The following OR8B3 variants were observed in gnomAD, a reference collection of about 807,000 sequenced individuals.
The protein encoded by OR8B3 is olfactory receptor family 8 subfamily B member 3.
For missense variants in OR8B3, 278 were observed against 377.6 expected (o/e 0.74, Z 2.19); for synonymous variants, 102 against 135.4 (o/e 0.75, Z 1.71).
At chr11:124,401,707 G>A (rs756236458), upstream of OR8B3, among the ~76,000 whole-genome samples, 34 of 152,230 alleles carry the variant, frequency 2.2e-4, no homozygotes, top group Non-Finnish European at 4.1e-4. Context: ...GGCTCCATCA[G>A]CTGCTGTAAG....
At chr11:124,403,487 G>T (rs1452557971), upstream of OR8B3, among the ~76,000 whole-genome samples, 1 of 151,938 alleles carries the variant, frequency 6.6e-6, no homozygotes, top group Non-Finnish European at 1.5e-5. Context: ...GTCGCGGCCG[G>T]GCAGAGGCGC....
At chr11:124,407,627 GT>G in the OR8B3 span, among the ~76,000 whole-genome samples, 6 of 151,974 alleles carry the variant, frequency 3.9e-5, no homozygotes, top group African/African-American at 1.2e-4. Flanking sequence ...AACTGTAATA[GT>G]TTTCTTCCTC....
At chr11:124,406,590 T>C in the OR8B3 span, among the ~76,000 whole-genome samples, 1 of 152,136 alleles carries the variant, frequency 6.6e-6, no homozygotes, top group Non-Finnish European at 1.5e-5. Context: ...GGTTACTAAA[T>C]TTAAGCATCT....
Position 124,397,699 on chromosome 11 carries a change from C to CTT in OR8B3, c.-17-333_-17-332dup, listed in dbSNP as rs753969066. Among the ~76,000 whole-genome samples the CTT allele has an allele frequency of 7.2e-4, 102 of 141,940 alleles. 3 individuals are homozygous for CTT. Among genetic ancestry groups the CTT allele is most frequent in the Non-Finnish European group, 9.6e-4 (62 of 64,558 alleles). 93.1% of individuals were successfully genotyped at this position (141,940 alleles called of 152,430 possible). A position where few individuals can be genotyped will look rare whatever the true frequency, so the allele number is the denominator to read the frequency against. On this transcript the variant is annotated intron_variant, in intron 1 of 1. Transcript: ENST00000641139. ...CATCTGGCCCTTCACTTCCTAGTTT[C>CTT]TTTTTTTTTTTTTTAAGATGGAGTT...
upstream of OR8B3, among the ~76,000 whole-genome samples, chr11:124,402,013 C>T (rs776076954): frequency 2.6e-5 from 4 of 152,210 alleles, no homozygotes; most frequent in Non-Finnish European, 5.9e-5. Flanking sequence ...ACAGTGAGTA[C>T]CTGACTTGGC....
chr11:124,403,920 G>A (rs1419257493), upstream of OR8B3, among the ~76,000 whole-genome samples: 7 of 152,272 alleles, frequency 4.6e-5, no homozygotes, highest in Non-Finnish European at 2.9e-5. Flanking sequence ...AGACCAGCCC[G>A]GCCAACACAG....
At chr11:124,407,433 C>T in the OR8B3 span, among the ~76,000 whole-genome samples, 22 of 152,164 alleles carry the variant, frequency 1.4e-4, no homozygotes, top group Middle Eastern at 3.4e-3. Flanking sequence ...CTCATGTCCC[C>T]TAATATTAAA....
chr11:124,399,335 A>T (rs191183950), upstream of OR8B3, among the ~76,000 whole-genome samples: 19 of 152,308 alleles, frequency 1.2e-4, no homozygotes, highest in Admixed American at 5.9e-4. Flanking sequence ...ATCCATTTTT[A>T]CTTTTGCATA....
the OR8B3 span, among the ~76,000 whole-genome samples, chr11:124,405,777 G>T: frequency 1.2e-4 from 19 of 152,224 alleles, no homozygotes; most frequent in African/African-American, 4.6e-4. Context: ...CCCAGAGAAT[G>T]ATTCTTTCCA....
At position 124,396,510 on chromosome 11, in the gene OR8B3, A is replaced by C. The variant is rs139434329; in HGVS notation, c.842T>G (p.Val281Gly). Residue 281 changes from valine to glycine, a missense_variant, in exon 2 of 2, where the codon GTG becomes GGG. Transcript: ENST00000641139. ...GTAGATGAGAGGATTGAGCATGGGC[A>C]CCACATTAGTGTAGAAAACAGAAGA... The part of the protein sequence containing the change: ...KVSSVFYTNV[V>G]PMLNPLIYSL... 34 of 1,614,032 alleles carry C rather than the reference A, an allele frequency of 2.1e-5. No homozygotes were observed. In the African/African-American group the frequency reaches 3.6e-4, roughly 17 times the overall value.
chr11:124,398,494 G>A (rs1860931097), intron 1 of OR8B3, among the ~76,000 whole-genome samples, 196 bp downstream of exon 1: 1 of 152,072 alleles, frequency 6.6e-6, no homozygotes, highest in Non-Finnish European at 1.5e-5. Flanking sequence ...CCTCTGTTCT[G>A]GATGTGTCAC....
chr11:124,396,429 T>C lies in OR8B3; in HGVS notation c.923A>G (p.Gln308Arg). 1.2e-6 allele frequency: 2 copies of C among 1,600,722 alleles called. No individual in the cohort carries two copies. The highest frequency in any genetic ancestry group is 1.7e-6 in the Non-Finnish European group (2 of 1,176,188). ...TTCTAATTAGAATATATTTCTTCTC[T>C]GAATTTTAATCAGAGCTTTCCTCAG... ...VALRKALIKI[Q>R]RRNIF Residue 308 changes from glutamine to arginine, a missense_variant, in exon 2 of 2, where the codon CAG becomes CGG. Gln to Arg is a conservative substitution (Grantham distance 43). Transcript: ENST00000641139.
At chr11:124,408,650 A>G in the OR8B3 span, among the ~76,000 whole-genome samples, 2 of 152,172 alleles carry the variant, frequency 1.3e-5, no homozygotes, top group Non-Finnish European at 2.9e-5. Context: ...ATCCAGACAA[A>G]TCTGAAGCAA....
At chr11:124,404,752 A>T in the OR8B3 span, 18 of 152,346 alleles carry the variant, frequency 1.2e-4, no homozygotes, top group Non-Finnish European at 2.5e-4. Context: ...GGCTACAAGC[A>T]TCTTGGCTGA....
chr11:124,400,638 G>C (rs1002034432), upstream of OR8B3, among the ~76,000 whole-genome samples: 1 of 151,862 alleles, frequency 6.6e-6, no homozygotes, highest in Non-Finnish European at 1.5e-5. Flanking sequence ...TCCTGGACTC[G>C]AGCAATCCTC....
the OR8B3 span, among the ~76,000 whole-genome samples, chr11:124,408,150 T>A: frequency 2.6e-5 from 4 of 152,196 alleles, no homozygotes; most frequent in Admixed American, 2.6e-4. Context: ...CCTGAATTCA[T>A]TTTTTAGCTC....
At chr11:124,409,349 T>C in the OR8B3 span, among the ~76,000 whole-genome samples, 1 of 152,228 alleles carries the variant, frequency 6.6e-6, no homozygotes, top group Non-Finnish European at 1.5e-5. Flanking sequence ...GCTCTGCCAC[T>C]AGTTTTTGCA....
At chr11:124,399,769 C>G (rs1277800801), upstream of OR8B3, among the ~76,000 whole-genome samples, 1 of 152,150 alleles carries the variant, frequency 6.6e-6, no homozygotes, top group Non-Finnish European at 1.5e-5. Context: ...GTTAACGAAA[C>G]TACAGACCTT....
At chr11:124,406,781 A>C in the OR8B3 span, among the ~76,000 whole-genome samples, 1 of 142,928 alleles carries the variant, frequency 7.0e-6, no homozygotes, top group African/African-American at 2.7e-5. Flanking sequence ...GTTCTTTGTA[A>C]CCTCCTTCTC....
Sources: gnomAD v4.1 joint callset for allele counts (sites outside exome capture counted in the v4.1 genomes callset) on GRCh38, gnomAD v4.1.1 for gene constraint, MANE v1.5 for transcripts, NCBI Gene and HGNC (gene_info 2026-07-23, HGNC 2026-07-21) for gene names.